TUBGCP3: variants seen among roughly 807,000 people sequenced by gnomAD.
TUBGCP3 encodes the protein tubulin gamma complex component 3, also known as gamma-tubulin complex component 3.
TUBGCP3 carries 50 observed loss-of-function variants against 123.1 expected under a neutral mutation model. The observed-to-expected ratio is 0.41, with a 90% CI of 0.32 to 0.51. The LOEUF (loss-of-function observed/expected upper bound fraction) is 0.51, where lower values mean the gene tolerates loss of function less well. TUBGCP3 is among the 20% of genes least tolerant of loss of function. The pLI is 0.36. For missense variants in TUBGCP3, 882 were observed against 1,127.0 expected (o/e 0.78, Z 3.11); for synonymous variants, 405 against 413.9 (o/e 0.98, Z 0.26).
chr13:112,529,941 T>C (rs1481368181), intron 11 of TUBGCP3, among the ~76,000 whole-genome samples: 1 of 152,210 alleles, frequency 6.6e-6, no homozygotes, highest in Non-Finnish European at 1.5e-5. Context: ...CAAAATGTAA[T>C]GGTCAAAAGT....
intron 13 of TUBGCP3, among the ~76,000 whole-genome samples, chr13:112,526,445 C>T (rs1022077853): frequency 9.5e-5 from 13 of 137,280 alleles, no homozygotes; most frequent in Admixed American, 2.9e-4. Context: ...CCATCATCAC[C>T]GTCGCCACCC....
chr13:112,517,384 T>C (rs1161672322), intron 16 of TUBGCP3, among the ~76,000 whole-genome samples: 1 of 152,224 alleles, frequency 6.6e-6, no homozygotes, highest in Non-Finnish European at 1.5e-5. Context: ...GTACATGGCA[T>C]GACAACTTTG....
chr13:112,558,036 C>T (rs535737830), intron 5 of TUBGCP3, among the ~76,000 whole-genome samples, 160 bp downstream of exon 5: 78 of 152,340 alleles, frequency 5.1e-4, no homozygotes, highest in Non-Finnish European at 8.4e-4. Context: ...AGAGGAGTAA[C>T]GTTCAGAGAT....
intron 1 of TUBGCP3, among the ~76,000 whole-genome samples, chr13:112,586,305 A>G (rs1263825192): frequency 2.6e-5 from 4 of 152,210 alleles, no homozygotes; most frequent in Non-Finnish European, 5.9e-5. Flanking sequence ...GAATTTCAAA[A>G]TCCAATTATA....
At chr13:112,583,886 C>CA (rs1882433761) in intron 1 of TUBGCP3, among the ~76,000 whole-genome samples, 1 of 152,186 alleles carries the variant, frequency 6.6e-6, no homozygotes, top group Admixed American at 6.5e-5. Flanking sequence ...AGATGCAAGT[C>CA]AGAGTAACTT....
rs773703192 is a variant in TUBGCP3 at position 112,486,116 on chromosome 13, G to T, written c.2601C>A (p.Thr867=). 2.5e-6 allele frequency: 4 copies of T among 1,610,188 alleles called. No individual in the cohort carries two copies. The Admixed American group carries it at 5.0e-5, about 20-fold the overall frequency. Reference sequence around the variant, plus strand: ...GAAACCGAAGACTCTCGTCAGAGCTGGTCGTCAGTAACACCAAAAACTGCT... The same window carrying T: ...GAAACCGAAGACTCTCGTCAGAGCTTGTCGTCAGTAACACCAAAAACTGCT... ...IVQQFLVLLT[T]SSDESLRFLS... The change falls in exon 22 of 22, where the codon ACC becomes ACA. Residue 867 remains threonine, a synonymous_variant. Transcript: ENST00000261965.
intron 19 of TUBGCP3, among the ~76,000 whole-genome samples, chr13:112,499,996 G>C (rs1325908578): frequency 1.3e-5 from 2 of 152,148 alleles, no homozygotes; most frequent in East Asian, 1.9e-4. Context: ...AGCAGGGAAG[G>C]GGGTACAGGC....
chr13:112,507,883 G>C (rs1223233432), intron 17 of TUBGCP3, among the ~76,000 whole-genome samples: 1 of 152,076 alleles, frequency 6.6e-6, no homozygotes, highest in African/African-American at 2.4e-5. Context: ...AGAATCTCTT[G>C]ATTTTCTTGA....
At chr13:112,599,933 C>T in the TUBGCP3 span, among the ~76,000 whole-genome samples, 1 of 152,192 alleles carries the variant, frequency 6.6e-6, no homozygotes, top group African/African-American at 2.4e-5. Context: ...CATCTCCCCA[C>T]CCCCTGCAGC....
At chr13:112,587,841 C>A in intron 1 of TUBGCP3, 64 bp downstream of exon 1, 1 of 1,447,010 alleles carries the variant, frequency 6.9e-7, no homozygotes, top group South Asian at 1.3e-5. Context: ...CGTATTAGGG[C>A]TGCACGCGCA....
Position 112,500,529 on chromosome 13 carries a change from C to T in TUBGCP3, c.2308-1344G>A, listed in dbSNP as rs185288145. Among the ~76,000 whole-genome samples, 28 of 152,158 alleles carry T rather than the reference C, an allele frequency of 1.8e-4. No homozygotes were observed. In the East Asian group the frequency reaches 5.2e-3, roughly 28 times the overall value. On this transcript the variant is annotated intron_variant, in intron 19 of 21. Transcript: ENST00000261965. The stretch of plus-strand genomic sequence containing the variant: ...ATATTAGACTAGAAAAATTAGAGAT[C>T]GAAATAACAAAATCAATACCATTTC...
At position 112,508,061 on chromosome 13, in the gene TUBGCP3, T is replaced by G. The variant is rs1266189504; in HGVS notation, c.2087-3347A>C. On this transcript the variant is annotated intron_variant, in intron 17 of 21. Transcript: ENST00000261965. The surrounding 1 kb of genome is among the most constrained non-coding windows in gnomAD (Gnocchi z 4.2). ...GACATCCCACTCCAGCCCATCCCAG[T>G]GCTGCCTGGGGCCTTCCCCTTCTCT... Among the ~76,000 whole-genome samples the G allele has an allele frequency of 6.6e-6, 1 of 152,180 alleles. No individual in the cohort carries two copies. Among genetic ancestry groups the G allele is most frequent in the Non-Finnish European group, 1.5e-5 (1 of 68,020 alleles).
chr13:112,554,418 G>A (rs1478084542), intron 7 of TUBGCP3, among the ~76,000 whole-genome samples: 1 of 152,214 alleles, frequency 6.6e-6, no homozygotes, highest in Non-Finnish European at 1.5e-5. Flanking sequence ...TTGGCCTGCG[G>A]TGTGGCAGAG....
chr13:112,573,942 C>T (rs536859979), intron 1 of TUBGCP3, among the ~76,000 whole-genome samples: 53 of 152,370 alleles, frequency 3.5e-4, no homozygotes, highest in African/African-American at 1.1e-3. Context: ...CTATGAGTGG[C>T]ACCTGGAAAT....
At chr13:112,547,587 G>A in intron 10 of TUBGCP3, 33 bp downstream of exon 10, 1 of 1,455,066 alleles carries the variant, frequency 6.9e-7, no homozygotes, top group Non-Finnish European at 9.2e-7. Context: ...TCGCGCGTGG[G>A]AAAGACGTGC....
chr13:112,555,715 C>G (rs549461671), intron 6 of TUBGCP3, among the ~76,000 whole-genome samples: 196 of 152,278 alleles, frequency 1.3e-3, no homozygotes, highest in Non-Finnish European at 2.2e-3. Context: ...GGGCCTAACC[C>G]AGCCTTAAAG....
chr13:112,547,607 A>T lies in TUBGCP3; in HGVS notation c.1168+13T>A, dbSNP rs769087735. ...CGTGGGAAAGACGTGCGTGGGAAAG[A>T]CGCGCGTGGGACCTTGGCAGTGGTC... On this transcript the variant is annotated intron_variant, in intron 10 of 21. Transcript: ENST00000261965. 21 of 1,490,270 alleles carry T rather than the reference A, an allele frequency of 1.4e-5. No homozygotes were observed. The highest frequency in any genetic ancestry group is 1.2e-4 in the Admixed American group (5 of 43,092). The allele number at this position is 1,490,270 out of a possible 1,614,324, so 92.3% of individuals were successfully genotyped here.
At chr13:112,486,967 G>A (rs1248259888) in intron 21 of TUBGCP3, among the ~76,000 whole-genome samples, 1 of 152,128 alleles carries the variant, frequency 6.6e-6, no homozygotes. Flanking sequence ...TCAGAAACAC[G>A]AATGCTGAAG....
chr13:112,588,997 G>C (rs1882811740), upstream of TUBGCP3, among the ~76,000 whole-genome samples: 2 of 152,210 alleles, frequency 1.3e-5, no homozygotes, highest in South Asian at 4.1e-4. Context: ...AAAACATGGA[G>C]ACAAAGCAGA....
Sources: gnomAD v4.1 joint callset for allele counts (sites outside exome capture counted in the v4.1 genomes callset) on GRCh38, gnomAD v4.1.1 for gene constraint, Gnocchi (gnomAD v3.1) non-coding constraint, MANE v1.5 for transcripts, NCBI Gene and HGNC (gene_info 2026-07-23, HGNC 2026-07-21) for gene names.